Variants in VPS13A observed in about 807,000 individuals in gnomAD.
VPS13A encodes vacuolar protein sorting 13 homolog A.
Under a neutral mutation model 390.9 loss-of-function variants are expected in VPS13A, and 264 were observed. That is an observed-to-expected ratio of 0.68 (90% CI 0.61 to 0.75). VPS13A has a LOEUF of 0.75. VPS13A is among the 30% of genes least tolerant of loss of function. VPS13A has a pLI of 0.00. For missense variants in VPS13A, 3,409 were observed against 3,733.9 expected (o/e 0.91, Z 2.27); for synonymous variants, 1,231 against 1,227.1 (o/e 1.00, Z -0.07).
At chr9:77,279,992 A>G (rs572785573) in intron 26 of VPS13A, 167 bp from the exon 27 acceptor site, 3 of 512,692 alleles carry the variant, frequency 5.9e-6, no homozygotes, top group South Asian at 4.3e-5. Context: ...TTAAATTTTT[A>G]GAGTTTAAAG....
In VPS13A at chr9:77,238,254, T is replaced by C; in HGVS notation, c.1786-18T>C. On this transcript the variant is annotated intron_variant, in intron 18 of 71. Transcript: ENST00000360280. ...TTAGTTTGCTTTGAGTTTGTGTTAA[T>C]GATGTTTATTTTAACAGAGGACAGT... 6.2e-7 allele frequency: 1 copy of C among 1,609,076 alleles called. No homozygotes were observed.
chr9:77,345,858 C>A (rs1418605593), intron 52 of VPS13A, among the ~76,000 whole-genome samples: 1 of 152,146 alleles, frequency 6.6e-6, no homozygotes, highest in Non-Finnish European at 1.5e-5. Context: ...CAGGGCTGGA[C>A]TAGCAAGTAC....
intron 12 of VPS13A, among the ~76,000 whole-genome samples, chr9:77,220,726 T>C (rs1590021260): frequency 6.6e-6 from 1 of 152,100 alleles, no homozygotes; most frequent in Non-Finnish European, 1.5e-5. Flanking sequence ...CCCTATCAGA[T>C]ACACTGAACC....
At chr9:77,369,945 A>C (rs1266783459) in intron 63 of VPS13A, among the ~76,000 whole-genome samples, 1 of 152,244 alleles carries the variant, frequency 6.6e-6, no homozygotes, top group Non-Finnish European at 1.5e-5. Flanking sequence ...TTAAAGACTT[A>C]TCAAGAGTAG....
intron 68 of VPS13A, among the ~76,000 whole-genome samples, chr9:77,400,747 G>A (rs1315356780): frequency 6.7e-6 from 1 of 149,534 alleles, no homozygotes; most frequent in Non-Finnish European, 1.5e-5. Context: ...AGAATGGCAT[G>A]AACCCAGGAG....
intron 33 of VPS13A, among the ~76,000 whole-genome samples, chr9:77,299,473 G>T (rs2131385182): frequency 6.6e-6 from 1 of 152,282 alleles, no homozygotes; most frequent in Non-Finnish European, 1.5e-5. Context: ...TACACTGTTG[G>T]TGTGCGTGTA....
chr9:77,243,477 C>CA (rs1358100555), intron 19 of VPS13A, among the ~76,000 whole-genome samples: 1 of 152,076 alleles, frequency 6.6e-6, no homozygotes, highest in Non-Finnish European at 1.5e-5. Flanking sequence ...CAAGGTCTTT[C>CA]AGGTCTTTTT....
intron 69 of VPS13A, among the ~76,000 whole-genome samples, chr9:77,404,238 G>A (rs1198268609): frequency 6.6e-6 from 1 of 152,036 alleles, no homozygotes; most frequent in East Asian, 1.9e-4. Flanking sequence ...TATCCTTCTT[G>A]AAATATTCTA....
intron 3 of VPS13A, among the ~76,000 whole-genome samples, chr9:77,202,957 T>G (rs545053495): frequency 1.3e-5 from 2 of 152,270 alleles, no homozygotes; most frequent in East Asian, 3.9e-4. Context: ...TTTTAATGTA[T>G]CCTCACCACT....
At chr9:77,197,808 AACC>A (rs1160327705) in intron 1 of VPS13A, among the ~76,000 whole-genome samples, 2 of 152,220 alleles carry the variant, frequency 1.3e-5, no homozygotes, top group Admixed American at 1.3e-4. Flanking sequence ...GTGTACCTTC[AACC>A]ATCAGAAAGG....
Position 77,337,567 on chromosome 9 carries a change from G to A in VPS13A, c.6378+30G>A, listed in dbSNP as rs748415505. On this transcript the variant is annotated intron_variant, in intron 47 of 71. Coordinates refer to ENST00000360280, the MANE Select transcript of VPS13A (RefSeq NM_033305.3). The stretch of plus-strand genomic sequence containing the variant: ...CGGCAAACTGATTTAGTGCCTTCCT[G>A]TTTTTGATTTTGTAGTTTCAGTTTT... 8 of 1,595,608 alleles carry A rather than the reference G, an allele frequency of 5.0e-6. No individual in the cohort carries two copies. In the African/African-American group the frequency reaches 8.1e-5, roughly 16 times the overall value.
chr9:77,287,813 G>A (rs1255013520), intron 31 of VPS13A, among the ~76,000 whole-genome samples: 1 of 152,112 alleles, frequency 6.6e-6, no homozygotes, highest in East Asian at 1.9e-4. Flanking sequence ...AGGTTTTAGG[G>A]CCCTCAGTAA....
intron 33 of VPS13A, among the ~76,000 whole-genome samples, chr9:77,302,368 CTTTTTT>C (rs58598132): frequency 8.5e-6 from 1 of 117,816 alleles, no homozygotes; most frequent in African/African-American, 3.5e-5. Flanking sequence ...TATTTTTCCC[CTTTTTT>C]TTTTTTTTTT....
At chr9:77,184,502 C>T (rs992628473) in intron 1 of VPS13A, among the ~76,000 whole-genome samples, 4 of 152,062 alleles carry the variant, frequency 2.6e-5, no homozygotes, top group African/African-American at 9.7e-5. Context: ...ACCTGTAGTC[C>T]CAGCTACTTG....
intron 23 of VPS13A, among the ~76,000 whole-genome samples, chr9:77,269,433 T>C (rs1319322532): frequency 1.3e-5 from 2 of 152,250 alleles, no homozygotes; most frequent in African/African-American, 4.8e-5. Context: ...GATATCATAC[T>C]GTCTTAATTA....
At chr9:77,239,862 T>G (rs1272662716) in intron 19 of VPS13A, among the ~76,000 whole-genome samples, 1 of 151,986 alleles carries the variant, frequency 6.6e-6, no homozygotes, top group Non-Finnish European at 1.5e-5. Context: ...TTAAATATTC[T>G]CTATCTCTTT....
intron 35 of VPS13A, among the ~76,000 whole-genome samples, 193 bp from the exon 36 acceptor site, chr9:77,313,799 T>C (rs1564719584): frequency 6.6e-6 from 1 of 152,150 alleles, no homozygotes; most frequent in African/African-American, 2.4e-5. Context: ...CAATTAATAT[T>C]CCCAAATTAT....
At chr9:77,227,564 C>A in intron 16 of VPS13A, 79 bp downstream of exon 16, 1 of 1,113,690 alleles carries the variant, frequency 9.0e-7, no homozygotes, top group Non-Finnish European at 1.3e-6. Flanking sequence ...ACTCTGTTGC[C>A]CAGGCTGGAC....
intron 17 of VPS13A, among the ~76,000 whole-genome samples, chr9:77,229,207 T>C (rs1823686547): frequency 6.6e-6 from 1 of 152,104 alleles, no homozygotes; most frequent in East Asian, 1.9e-4. Flanking sequence ...GCCTCCTGAG[T>C]AGCCGTGACT....
Sources: allele counts gnomAD v4.1 joint callset (sites outside exome capture counted in the v4.1 genomes callset), GRCh38; gene constraint gnomAD v4.1.1; transcripts MANE v1.5; gene names NCBI Gene and HGNC (gene_info 2026-07-23, HGNC 2026-07-21).